The following DSCAM variants were observed in gnomAD, a reference collection of about 807,000 sequenced individuals.
DSCAM encodes cell adhesion molecule DSCAM.
A neutral mutation model predicts 217.7 loss-of-function variants in DSCAM; 47 were observed. That is an observed-to-expected ratio of 0.22 (90% CI 0.17 to 0.28). The LOEUF (loss-of-function observed/expected upper bound fraction) is 0.28, where lower values mean the gene tolerates loss of function less well. Among genes scored for constraint, DSCAM ranks in the 10% least tolerant of loss-of-function variants. The pLI, the probability that DSCAM is intolerant of heterozygous loss-of-function variation, is 1.00. For missense variants in DSCAM, 2,080 were observed against 2,618.3 expected (o/e 0.79, Z 4.49); for synonymous variants, 1,056 against 1,015.3 (o/e 1.04, Z -0.76).
At chr21:40,253,353 A>G (rs1221925311) in intron 11 of DSCAM, among the ~76,000 whole-genome samples, 4 of 152,234 alleles carry the variant, frequency 2.6e-5, no homozygotes, top group Admixed American at 1.3e-4. Flanking sequence ...GATACAATGC[A>G]GAATATATCT....
chr21:40,648,550 C>G (rs2410263), intron 3 of DSCAM, among the ~76,000 whole-genome samples: 1 of 151,750 alleles, frequency 6.6e-6, no homozygotes, highest in Non-Finnish European at 1.5e-5. Context: ...GATTGAGAAC[C>G]TGTCTTTCCA....
At chr21:40,563,283 T>C (rs1388216582) in intron 3 of DSCAM, among the ~76,000 whole-genome samples, 1 of 151,940 alleles carries the variant, frequency 6.6e-6, no homozygotes, top group African/African-American at 2.4e-5. Flanking sequence ...TCTCCCAGCT[T>C]GAAGTCACCT....
In DSCAM at chr21:40,624,328, CAGAA is replaced by C. The variant is rs560178520; in HGVS notation, c.508+68478_508+68481del. ...GAAATAGATGAAAAAAGCTCAGAGA[CAGAA>C]AGATCTTTTTTTAAACTTTTTTTTA... On this transcript the variant is annotated intron_variant, in intron 3 of 32. Transcript: ENST00000400454. Among the ~76,000 whole-genome samples the C allele has an allele frequency of 4.5e-3, 684 of 152,270 alleles. 6 individuals are homozygous for C. The highest frequency in any genetic ancestry group is 0.015 in the African/African-American group (641 of 41,546).
chr21:40,167,074 T>C, intron 16 of DSCAM, 144 bp downstream of exon 16: 1 of 668,738 alleles, frequency 1.5e-6, no homozygotes, highest in South Asian at 2.1e-5. Flanking sequence ...AAATACTGCA[T>C]TTTAAGAAAA....
At chr21:40,630,721 G>C (rs1219774958) in intron 3 of DSCAM, 3 of 152,248 alleles carry the variant, frequency 2.0e-5, no homozygotes, top group African/African-American at 7.2e-5. Flanking sequence ...TTGTCAGTGG[G>C]GGATATAGGA....
intron 8 of DSCAM, 45 bp downstream of exon 8, chr21:40,338,056 G>A (rs201818259): frequency 4.6e-5 from 73 of 1,596,992 alleles, no homozygotes; most frequent in Non-Finnish European, 5.9e-5. Flanking sequence ...GGAAGTAGTC[G>A]GGCTATGGAA....
chr21:40,292,567 G>A (rs1437267766), intron 10 of DSCAM, among the ~76,000 whole-genome samples: 3 of 151,710 alleles, frequency 2.0e-5, no homozygotes, highest in Non-Finnish European at 4.4e-5. Context: ...GCAAACTGAG[G>A]TGAGTTGTGT....
chr21:40,340,392 G>C (rs2074478555), intron 6 of DSCAM, among the ~76,000 whole-genome samples: 1 of 152,108 alleles, frequency 6.6e-6, no homozygotes, highest in Non-Finnish European at 1.5e-5. Context: ...AGTTACAAAT[G>C]CATGTTTCTT....
chr21:40,457,616 T>G (rs139434193), intron 3 of DSCAM, among the ~76,000 whole-genome samples: 3,572 of 151,858 alleles, frequency 0.024, 159 homozygotes, highest in African/African-American at 0.079. Context: ...ACTAAAAACA[T>G]CCCACATTTT....
chr21:40,621,391 A>G (rs1206759255), intron 3 of DSCAM: 2 of 152,154 alleles, frequency 1.3e-5, no homozygotes, highest in African/African-American at 4.8e-5. Flanking sequence ...ACATGAGGTG[A>G]GATTTCATTC....
intron 11 of DSCAM, among the ~76,000 whole-genome samples, chr21:40,189,960 T>C (rs745384553): frequency 6.6e-6 from 1 of 152,242 alleles, no homozygotes; most frequent in African/African-American, 2.4e-5. Context: ...CTTCCACTTT[T>C]AGTCAACTTT....
At chr21:40,682,585 A>AAGAGAGAGAGAAAGAGAGAAAG (rs376148801) in intron 3 of DSCAM, among the ~76,000 whole-genome samples, 7 of 98,386 alleles carry the variant, frequency 7.1e-5, no homozygotes, top group African/African-American at 8.2e-5. Context: ...AGAAGAGAGA[A>AAGAGAGAGAGAAAGAGAGAAAG]AGAGAGAGAG....
rs1171401594 is a variant in DSCAM, at chr21:40,182,672, G to T, written c.2780-3578C>A. 6.6e-4 allele frequency among the ~76,000 whole-genome samples: 70 copies of T among 105,516 alleles called. 2 individuals carry two copies. Among genetic ancestry groups the T allele is most frequent in the African/African-American group, 3.0e-3 (65 of 21,414 alleles). The allele number at this position is 105,516 out of a possible 152,430, so 69.2% of individuals were successfully genotyped here. A position where few individuals can be genotyped will look rare whatever the true frequency, so the allele number is the denominator to read the frequency against. ...GGGTTACCAGAGAAACCGTGGACAG[G>T]GGGGGGTTACCAGAGAAACCGTGGA... On this transcript the variant is annotated intron_variant, in intron 14 of 32. Transcript: ENST00000400454.
chr21:40,164,175 T>C (rs760172), intron 16 of DSCAM, among the ~76,000 whole-genome samples: 11,064 of 152,146 alleles, frequency 0.073, 625 homozygotes, highest in African/African-American at 0.16. Flanking sequence ...CCAAGAGCAA[T>C]GGGTAACATA....
intron 2 of DSCAM, among the ~76,000 whole-genome samples, chr21:40,703,135 T>G (rs1288847709): frequency 6.6e-6 from 1 of 152,214 alleles, no homozygotes; most frequent in African/African-American, 2.4e-5. Context: ...TTTCTTCTGA[T>G]TCTAGAACTT....
intron 11 of DSCAM, among the ~76,000 whole-genome samples, chr21:40,210,263 A>AC (rs1178151283): frequency 1.3e-5 from 2 of 152,080 alleles, no homozygotes; most frequent in Non-Finnish European, 2.9e-5. Context: ...CCCTGACCTC[A>AC]CCCCTACAAG....
intron 3 of DSCAM, among the ~76,000 whole-genome samples, chr21:40,651,338 G>A (rs531105147): frequency 2.0e-4 from 31 of 152,288 alleles, no homozygotes; most frequent in African/African-American, 6.0e-4. Context: ...AGCAGCAAAA[G>A]TGTATTCAAT....
intron 8 of DSCAM, among the ~76,000 whole-genome samples, chr21:40,336,880 G>T (rs1025564905): frequency 6.6e-5 from 10 of 152,154 alleles, no homozygotes; most frequent in African/African-American, 2.4e-4. Context: ...TTCTGTAAAT[G>T]AGGATTAAAT....
intron 32 of DSCAM, among the ~76,000 whole-genome samples, chr21:40,019,901 C>T (rs764698859): frequency 6.6e-6 from 1 of 152,204 alleles, no homozygotes; most frequent in Non-Finnish European, 1.5e-5. Flanking sequence ...CTTCCCTCAA[C>T]CTTTCTCCAC....
Sources: gnomAD v4.1 joint callset for allele counts (sites outside exome capture counted in the v4.1 genomes callset) on GRCh38, gnomAD v4.1.1 for gene constraint, MANE v1.5 for transcripts, NCBI Gene and HGNC (gene_info 2026-07-23, HGNC 2026-07-21) for gene names.